Variants in PNPT1 observed in about 807,000 individuals in gnomAD.
The protein encoded by PNPT1 is polyribonucleotide nucleotidyltransferase 1, also known as polyribonucleotide nucleotidyltransferase 1, mitochondrial.
In PNPT1, 53 loss-of-function variants were observed where a neutral mutation model predicts 119.5. That is an observed-to-expected ratio of 0.44 (90% CI 0.36 to 0.56). PNPT1 has a LOEUF of 0.56. PNPT1 is among the 20% of genes least tolerant of loss of function. PNPT1 has a pLI of 0.00. For synonymous variants in PNPT1, 357 were observed against 322.1 expected, an observed-to-expected ratio of 1.11 and a Z score of -1.16; for missense variants, 948 against 938.5, an observed-to-expected ratio of 1.01 and a Z score of -0.13.
intron 5 of PNPT1, among the ~76,000 whole-genome samples, chr2:55,683,385 G>C (rs200344758): frequency 6.6e-6 from 1 of 151,968 alleles, no homozygotes; most frequent in Non-Finnish European, 1.5e-5. Context: ...GAGGCCGAGG[G>C]GGGCGGATCA....
intron 27 of PNPT1, 94 bp from the exon 28 acceptor site, chr2:55,636,486 C>T (rs1026137318): frequency 2.3e-6 from 3 of 1,331,744 alleles, no homozygotes; most frequent in African/African-American, 1.5e-5. Flanking sequence ...CCAAATAAGG[C>T]AATGATTGTT....
chr2:55,684,950 T>G lies in PNPT1; in HGVS notation c.396A>C (p.Arg132=). 1 of 1,572,134 alleles carries G rather than the reference T, an allele frequency of 6.4e-7. No homozygotes were observed. The highest frequency in any genetic ancestry group is 8.7e-7 in the Non-Finnish European group (1 of 1,152,186). Reference sequence around the variant, plus strand: ...TCTATGTTAATATCTTACCTATTATTCGACTTGTTAGAATTTCTTTATCAG... The same window carrying G: ...TCTATGTTAATATCTTACCTATTATGCGACTTGTTAGAATTTCTTTATCAG... ...GTSDKEILTS[R]IIDRSIRPLF... Residue 132 remains arginine, a synonymous_variant, in exon 4 of 28, where the codon CGA becomes CGC. Transcript: ENST00000447944.
rs926999231 is a variant in PNPT1 at position 55,671,232 on chromosome 2, C to G, written c.976+87G>C. 8 of 631,624 alleles carry G rather than the reference C, an allele frequency of 1.3e-5. No individual in the cohort carries two copies. In the African/African-American group the frequency reaches 1.4e-4, roughly 11 times the overall value. The allele number at this position is 631,624 out of a possible 1,614,324, so 39.1% of individuals were successfully genotyped here. On this transcript the variant is annotated intron_variant, in intron 11 of 27. Coordinates refer to ENST00000447944, the MANE Select transcript of PNPT1 (RefSeq NM_033109.5). The stretch of plus-strand genomic sequence containing the variant: ...CAGATGTGATGCCTTTCCTCTTTGA[C>G]CTTTAATCCCAAGAAGCAAGAGTCA...
intron 14 of PNPT1, 36 bp downstream of exon 14, chr2:55,661,920 A>C (rs556992429): frequency 6.6e-7 from 1 of 1,508,712 alleles, no homozygotes; most frequent in South Asian, 1.3e-5. Context: ...ATAGAACATC[A>C]TAAAACGTAA....
intron 12 of PNPT1, among the ~76,000 whole-genome samples, chr2:55,667,598 CAAA>C (rs1696775255): frequency 6.8e-6 from 1 of 146,788 alleles, no homozygotes; most frequent in Non-Finnish European, 1.5e-5. Flanking sequence ...AAAAAAAAAA[CAAA>C]AAACAAACAA....
chr2:55,663,814 T>C (rs1482473888), intron 13 of PNPT1, among the ~76,000 whole-genome samples: 1 of 151,106 alleles, frequency 6.6e-6, no homozygotes, highest in African/African-American at 2.4e-5. Context: ...CCGTCTCTAC[T>C]AAAAAATACA....
Position 55,640,720 on chromosome 2 carries a change from A to G in PNPT1, c.2070-15T>C, listed in dbSNP as rs1276550634. 6.8e-7 allele frequency: 1 copy of G among 1,471,020 alleles called. No individual in the cohort carries two copies. The allele number at this position is 1,471,020 out of a possible 1,614,324, so 91.1% of individuals were successfully genotyped here. A position where few individuals can be genotyped will look rare whatever the true frequency, so the allele number is the denominator to read the frequency against. On this transcript the variant is annotated splice_polypyrimidine_tract_variant and intron_variant, in intron 25 of 27. Coordinates refer to ENST00000447944, the MANE Select transcript of PNPT1 (RefSeq NM_033109.5). ...CACCAGTATCTCTACAAAAAAATAA[A>G]TAGTAAGCCTGGTTAAAATAATAAG...
At chr2:55,646,931 C>T (rs908625004) in intron 19 of PNPT1, among the ~76,000 whole-genome samples, 20 of 151,938 alleles carry the variant, frequency 1.3e-4, no homozygotes, top group Non-Finnish European at 2.4e-4. Context: ...CTCTGCCTCC[C>T]GGGTTCAAGC....
chr2:55,639,592 C>A (rs111427714), intron 26 of PNPT1, among the ~76,000 whole-genome samples: 5 of 152,018 alleles, frequency 3.3e-5, no homozygotes, highest in African/African-American at 1.2e-4. Context: ...TGTTCATGTT[C>A]TTTACTTATT....
intron 14 of PNPT1, among the ~76,000 whole-genome samples, chr2:55,661,559 T>G (rs750021882): frequency 5.3e-5 from 8 of 152,182 alleles, no homozygotes; most frequent in African/African-American, 1.9e-4. Flanking sequence ...CGACAAGGCT[T>G]TTCATTAACG....
intron 14 of PNPT1, 21 bp downstream of exon 14, chr2:55,661,935 C>A: frequency 1.3e-6 from 2 of 1,533,520 alleles, no homozygotes; most frequent in Admixed American, 2.4e-5. Flanking sequence ...ACGTAACAAA[C>A]ATCTTAAAAA....
intron 5 of PNPT1, 77 bp from the exon 6 acceptor site, chr2:55,680,995 A>G: frequency 3.4e-6 from 4 of 1,173,104 alleles, no homozygotes; most frequent in Non-Finnish European, 5.0e-6. Context: ...CAAGAGCACT[A>G]TATGGCTAAA....
intron 2 of PNPT1, 49 bp from the exon 3 acceptor site, chr2:55,686,493 A>T (rs753263144): frequency 9.1e-5 from 128 of 1,414,136 alleles, no homozygotes; most frequent in Non-Finnish European, 1.2e-4. Flanking sequence ...ATCAGATATT[A>T]GCATCTAAGT....
intron 5 of PNPT1, among the ~76,000 whole-genome samples, chr2:55,682,240 T>C (rs1324778167): frequency 1.3e-5 from 2 of 152,002 alleles, no homozygotes; most frequent in African/African-American, 4.8e-5. Context: ...AGCGGATCAC[T>C]TGAGGTCACG....
chr2:55,645,589 C>T (rs1055421712), intron 21 of PNPT1, among the ~76,000 whole-genome samples, 157 bp from the exon 22 acceptor site: 1 of 152,222 alleles, frequency 6.6e-6, no homozygotes, highest in East Asian at 1.9e-4. Flanking sequence ...ATATTCTCTT[C>T]TCCAAAAATC....
intron 1 of PNPT1, among the ~76,000 whole-genome samples, chr2:55,691,268 T>C (rs369086444): frequency 6.6e-6 from 1 of 152,370 alleles, no homozygotes. Flanking sequence ...AAAAGCTTGC[T>C]GAAATGAAAA....
chr2:55,663,683 A>G (rs1323768477), intron 13 of PNPT1, among the ~76,000 whole-genome samples: 1 of 152,136 alleles, frequency 6.6e-6, no homozygotes, highest in East Asian at 1.9e-4. Context: ...ATGGAGAACA[A>G]AAAACACTGA....
chr2:55,649,417 C>T (rs1019593211), intron 18 of PNPT1, among the ~76,000 whole-genome samples: 1 of 152,194 alleles, frequency 6.6e-6, no homozygotes, highest in Non-Finnish European at 1.5e-5. Context: ...TTCCTCATTT[C>T]CTATATCCCA....
Position 55,656,183 on chromosome 2 carries a change from G to C in PNPT1, c.1389C>G (p.Pro463=). The change falls in exon 17 of 28, where the codon CCC becomes CCG. Residue 463 remains proline, a synonymous_variant. Coordinates refer to ENST00000447944, the MANE Select transcript of PNPT1 (RefSeq NM_033109.5). The stretch of plus-strand genomic sequence containing the variant: ...CTCTTATGGTGAAAGGAAAATCTCG[G>C]GGAATAACAGGATACAAAGCTTTCT... The part of the protein sequence containing the change: ...LAEKALYPVI[P]RDFPFTIRVT... 6.2e-7 allele frequency: 1 copy of C among 1,613,246 alleles called. No homozygotes were observed. Among genetic ancestry groups the C allele is most frequent in the Non-Finnish European group, 8.5e-7 (1 of 1,179,626 alleles).
Sources: gnomAD v4.1 joint callset for allele counts (sites outside exome capture counted in the v4.1 genomes callset) on GRCh38, gnomAD v4.1.1 for gene constraint, MANE v1.5 for transcripts, NCBI Gene and HGNC (gene_info 2026-07-23, HGNC 2026-07-21) for gene names.